The following AQP9 variants were observed in gnomAD, a reference collection of about 807,000 sequenced individuals.
AQP9 encodes aquaporin 9, also known as aquaporin-9.
A neutral mutation model predicts 23.8 loss-of-function variants in AQP9; 19 were observed. The observed-to-expected ratio is 0.80, with a 90% confidence interval of 0.56 to 1.17. The LOEUF is 1.17. AQP9 is among the 50% of genes most tolerant of loss of function. AQP9 has a pLI of 0.00. For missense variants in AQP9, 413 were observed against 362.0 expected, an observed-to-expected ratio of 1.14 and a Z score of -1.14; for synonymous variants, 153 against 131.5, an observed-to-expected ratio of 1.16 and a Z score of -1.12.
At chr15:58,146,714 T>C (rs1898051215) in intron 1 of AQP9, 1 of 152,180 alleles carries the variant, frequency 6.6e-6, no homozygotes, top group Non-Finnish European at 1.5e-5. Context: ...GTGGATTTGT[T>C]CTTCCAGAGC....
At position 58,179,122 on chromosome 15, in the gene AQP9, C is replaced by T; in HGVS notation, c.496-6C>T. 6.3e-7 allele frequency: 1 copy of T among 1,598,774 alleles called. No homozygotes were observed. Among genetic ancestry groups the T allele is most frequent in the Non-Finnish European group, 8.6e-7 (1 of 1,165,932 alleles). ...TAAAGCCCTGGCTCAACTTCTCCCT[C>T]TCCAGGTGGTGGCCACCATGATACT... is the stretch of plus-strand genomic sequence containing the variant. On this transcript the variant is annotated splice_polypyrimidine_tract_variant and splice_region_variant and intron_variant, in intron 4 of 5. Coordinates refer to ENST00000219919, the MANE Select transcript of AQP9 (RefSeq NM_020980.5).
intron 4 of AQP9, 94 bp from the exon 5 acceptor site, chr15:58,179,034 T>G (rs1387200133): frequency 1.2e-6 from 1 of 842,956 alleles, no homozygotes; most frequent in Non-Finnish European, 1.9e-6. Flanking sequence ...ATAGTAATAT[T>G]GTAATATTGT....
intron 1 of AQP9, among the ~76,000 whole-genome samples, chr15:58,160,871 T>G (rs1898364474): frequency 6.6e-6 from 1 of 152,134 alleles, no homozygotes; most frequent in African/African-American, 2.4e-5. Flanking sequence ...GAAAGGGTGT[T>G]TCTTCTGAAA....
intron 1 of AQP9, chr15:58,155,754 C>T (rs529566372): frequency 5.9e-5 from 9 of 152,312 alleles, no homozygotes; most frequent in Admixed American, 3.9e-4. Context: ...CTCAATACCT[C>T]GCCCCACATT....
At position 58,138,559 on chromosome 15, in the gene AQP9, C is replaced by A. The variant is rs761856219; in HGVS notation, c.-7C>A. ...GTAGAAACAGGAGTCCTCAGAGAAGCCCCAAGATGCAGCCTGAGGGAGCAG... is the reference window on the plus strand; with the variant it reads ...GTAGAAACAGGAGTCCTCAGAGAAGACCCAAGATGCAGCCTGAGGGAGCAG... On this transcript the variant is annotated 5_prime_UTR_variant, in exon 1 of 6. Transcript: ENST00000219919. 12 of 1,612,476 alleles carry A rather than the reference C, an allele frequency of 7.4e-6. No individual in the cohort carries two copies. The Admixed American group carries it at 1.7e-4, about 22-fold the overall frequency.
intron 5 of AQP9, among the ~76,000 whole-genome samples, chr15:58,179,847 C>T (rs1898843499): frequency 6.6e-6 from 1 of 152,142 alleles, no homozygotes; most frequent in South Asian, 2.1e-4. Context: ...AAAGCACTCA[C>T]CTTGAGCGAT....
chr15:58,148,031 T>C (rs886962606), intron 1 of AQP9, among the ~76,000 whole-genome samples: 15 of 152,206 alleles, frequency 9.9e-5, no homozygotes, highest in Non-Finnish European at 2.1e-4. Context: ...ACATTTCTTA[T>C]ATTTTATAGT....
rs1898992074 is a variant in AQP9, at chr15:58,185,051, G to T, written c.*916G>T. 6.6e-6 allele frequency: 1 copy of T among 152,152 alleles called. No homozygotes were observed. Among genetic ancestry groups the T allele is most frequent in the Non-Finnish European group, 1.5e-5 (1 of 68,032 alleles). The allele number at this position is 152,152 out of a possible 1,614,324, so 9.4% of individuals were successfully genotyped here. On this transcript the variant is annotated 3_prime_UTR_variant, in exon 6 of 6. Coordinates refer to ENST00000219919, the MANE Select transcript of AQP9 (RefSeq NM_020980.5). ...CAAAACTGAAAGCCACTGGATCCTG[G>T]TCTAGCTGAATCTTCAGAGTGGGAG...
chr15:58,157,735 A>C (rs1336551605), intron 1 of AQP9, among the ~76,000 whole-genome samples: 1 of 152,218 alleles, frequency 6.6e-6, no homozygotes, highest in Non-Finnish European at 1.5e-5. Flanking sequence ...CTAGTTTTCT[A>C]CCGGTGGGTG....
At chr15:58,152,030 TG>T (rs1898160958) in intron 1 of AQP9, 3 of 152,340 alleles carry the variant, frequency 2.0e-5, no homozygotes. Flanking sequence ...CTTGTTATTA[TG>T]GCTATTCTCA....
intron 1 of AQP9, among the ~76,000 whole-genome samples, chr15:58,160,325 C>T (rs1283618986): frequency 4.0e-5 from 6 of 151,876 alleles, no homozygotes; most frequent in East Asian, 1.9e-4. Context: ...ATCTTTTGCC[C>T]GCTTTAAAAT....
In AQP9 at chr15:58,185,567, A is replaced by C. The variant is rs141087135; in HGVS notation, c.*1432A>C. On this transcript the variant is annotated 3_prime_UTR_variant, in exon 6 of 6. Transcript: ENST00000219919. ...CTAAGTCTTGATCTTGCTTCCTGCC[A>C]GCACCAAACATTACATTCAGGGGAT... is the stretch of plus-strand genomic sequence containing the variant. 230 of 152,344 alleles carry C rather than the reference A, an allele frequency of 1.5e-3. 1 individual carries two copies. The highest frequency in any genetic ancestry group is 5.0e-3 in the African/African-American group (207 of 41,578). The allele number at this position is 152,344 out of a possible 1,614,324, so 9.4% of individuals were successfully genotyped here. A position where few individuals can be genotyped will look rare whatever the true frequency, so the allele number is the denominator to read the frequency against.
Position 58,173,114 on chromosome 15 carries a change from A to G in AQP9, c.285A>G (p.Gly95=). The change falls in exon 3 of 6, where the codon GGA becomes GGG. Residue 95 remains glycine, a synonymous_variant. Coordinates refer to ENST00000219919, the MANE Select transcript of AQP9 (RefSeq NM_020980.5). ...TGTCTTTAGCAATGTGTCTCTTTGG[A>G]CGGATGAAATGGTTCAAATTGCCAT... is the stretch of plus-strand genomic sequence containing the variant. ...PAVSLAMCLF[G]RMKWFKLPFY... is the part of the protein sequence containing the mutation. 6.2e-7 allele frequency: 1 copy of G among 1,613,922 alleles called. No individual in the cohort carries two copies. Among genetic ancestry groups the G allele is most frequent in the Non-Finnish European group, 8.5e-7 (1 of 1,179,880 alleles).
At position 58,166,786 on chromosome 15, in the gene AQP9, T is replaced by C; in HGVS notation, c.225T>C (p.Ala75=). 6.2e-7 allele frequency: 1 copy of C among 1,613,970 alleles called. No homozygotes were observed. Among genetic ancestry groups the C allele is most frequent in the Non-Finnish European group, 8.5e-7 (1 of 1,179,856 alleles). Residue 75 remains alanine, a synonymous_variant, in exon 2 of 6, where the codon GCT becomes GCC. Coordinates refer to ENST00000219919, the MANE Select transcript of AQP9 (RefSeq NM_020980.5). ...SMAVAMAIYV[A]GGVSGGHINP... Reference sequence around the variant, plus strand: ...CAGTTGCAATGGCCATTTATGTGGCTGGCGGTGTCTCTGGTAAGCAGTAGA... The same window carrying C: ...CAGTTGCAATGGCCATTTATGTGGCCGGCGGTGTCTCTGGTAAGCAGTAGA...
intron 1 of AQP9, among the ~76,000 whole-genome samples, chr15:58,161,917 G>C (rs1206191206): frequency 6.6e-6 from 1 of 151,968 alleles, no homozygotes; most frequent in Admixed American, 6.6e-5. Flanking sequence ...TGTCATCCCT[G>C]GAAATAATGT....
intron 5 of AQP9, among the ~76,000 whole-genome samples, chr15:58,179,762 C>A (rs1898841883): frequency 6.6e-6 from 1 of 152,196 alleles, no homozygotes; most frequent in Non-Finnish European, 1.5e-5. Context: ...CTATGCTGCA[C>A]TTATTCCACA....
rs138886278 is a variant in AQP9 at position 58,182,430 on chromosome 15, T to A, written c.714-1531T>A. Among the ~76,000 whole-genome samples the A allele has an allele frequency of 1.6e-3, 236 of 152,184 alleles. 1 individual carries two copies. Among genetic ancestry groups the A allele is most frequent in the African/African-American group, 5.5e-3 (228 of 41,526 alleles). ...TGTGAACCTGATACAACATGTCCAA[T>A]CTGATAAAATAAAAAGCATCCAGCC... On this transcript the variant is annotated intron_variant, in intron 5 of 5. Coordinates refer to ENST00000219919, the MANE Select transcript of AQP9 (RefSeq NM_020980.5).
At chr15:58,178,955 A>C (rs1209463504) in intron 4 of AQP9, among the ~76,000 whole-genome samples, 173 bp from the exon 5 acceptor site, 1 of 152,266 alleles carries the variant, frequency 6.6e-6, no homozygotes, top group Non-Finnish European at 1.5e-5. Flanking sequence ...TGTAGAAAGA[A>C]GAGAGACTGG....
chr15:58,176,911 G>A (rs1175211563), intron 4 of AQP9, among the ~76,000 whole-genome samples: 1 of 152,066 alleles, frequency 6.6e-6, no homozygotes, highest in African/African-American at 2.4e-5. Flanking sequence ...ACCATATCCT[G>A]AGCTTCCTTC....
Sources: allele counts gnomAD v4.1 joint callset (sites outside exome capture counted in the v4.1 genomes callset), GRCh38; gene constraint gnomAD v4.1.1; transcripts MANE v1.5; gene names NCBI Gene and HGNC (gene_info 2026-07-23, HGNC 2026-07-21).